CHTF18: variants seen among roughly 807,000 people sequenced by gnomAD.
The protein encoded by CHTF18 is chromosome transmission fidelity protein 18 homolog.
In CHTF18, 151 loss-of-function variants were observed where a neutral mutation model predicts 113.4. The ratio of observed to expected loss-of-function variants is 1.33; its 90% CI spans 1.17 to 1.52. The LOEUF (loss-of-function observed/expected upper bound fraction) is 1.52. CHTF18 is among the 40% of genes most tolerant of loss of function. The pLI is 0.00. For synonymous variants in CHTF18, 916 were observed against 598.8 expected (o/e 1.53, Z -7.74); for missense variants, 1,982 against 1,381.6 (o/e 1.43, Z -6.89).
At chr16:791,490 C>T (rs1021242366) in intron 8 of CHTF18, 120 bp downstream of exon 8, 92 of 1,447,468 alleles carry the variant, frequency 6.4e-5, no homozygotes, top group South Asian at 8.7e-5. Context: ...TGGGTCTTGG[C>T]GTGAAGCGCC....
intron 9 of CHTF18, 121 bp from the exon 10 acceptor site, chr16:792,103 C>T (rs1000149367): frequency 3.7e-5 from 57 of 1,528,122 alleles, no homozygotes; most frequent in South Asian, 1.3e-4. Flanking sequence ...TCGGGGTTCA[C>T]GGGATCGGCA....
Position 789,561 on chromosome 16 carries a change from C to T in CHTF18, c.452C>T (p.Ala151Val), listed in dbSNP as rs777367831. The change falls in exon 4 of 22, where the codon GCT (alanine) becomes GTT (valine). Residue 151 changes from alanine (A) to valine (V), a missense_variant. Physicochemically the swap from Ala to Val is moderately conservative, Grantham distance 64 (BLOSUM62 0). Transcript: ENST00000262315. ...TCTCTCTCCAGAGTCTCAGAAGCTG[C>T]TGCCGACGTGGGTCTCACACGGGCC... ...ELWGHGVSEA[A>V]ADVGLTRASP... is the part of the protein sequence containing the mutation. The T allele has an allele frequency of 5.0e-6, 8 of 1,601,670 alleles. No homozygotes were observed. The highest frequency in any genetic ancestry group is 3.4e-5 in the Admixed American group (2 of 58,946).
chr16:796,041 G>T lies in CHTF18; in HGVS notation c.2420G>T (p.Arg807Leu). Residue 807 changes from arginine (R) to leucine (L), a missense_variant, in exon 18 of 22, where the codon CGC (arginine) becomes CTC (leucine). Transcript: ENST00000262315. ...TACAGCCTGACCTACCGCCAGGAGC[G>T]CACGCCCGATGGCCAGTACATCTAC... ...LAYSLTYRQE[R>L]TPDGQYIYRL... 6.2e-7 allele frequency: 1 copy of T among 1,604,672 alleles called. No individual in the cohort carries two copies. Among genetic ancestry groups the T allele is most frequent in the Non-Finnish European group, 8.5e-7 (1 of 1,176,358 alleles).
chr16:792,423 T>A lies in CHTF18; in HGVS notation c.1327-16T>A. 1 of 1,559,970 alleles carries A rather than the reference T, an allele frequency of 6.4e-7. No homozygotes were observed. The highest frequency in any genetic ancestry group is 8.7e-7 in the Non-Finnish European group (1 of 1,152,556). On this transcript the variant is annotated splice_polypyrimidine_tract_variant and intron_variant, in intron 10 of 21. Coordinates refer to ENST00000262315, the MANE Select transcript of CHTF18 (RefSeq NM_022092.3). The stretch of plus-strand genomic sequence containing the variant: ...AGCAGGGCCTGGACTCACCGTGTCC[T>A]CTGACCTCCCCCAAGGCCGCCATCA...
At position 795,742 on chromosome 16, in the gene CHTF18, G is replaced by T. The variant is rs118113142; in HGVS notation, c.2233G>T (p.Ala745Ser). The change falls in exon 17 of 22, where the codon GCG (alanine) becomes TCG (serine). Residue 745 changes from alanine to serine, a missense_variant. Transcript: ENST00000262315. Reference protein sequence around the residue: ...NLIQTLVSGIAPATRSRATPQ... With the variant: ...NLIQTLVSGISPATRSRATPQ... The stretch of plus-strand genomic sequence containing the variant: ...GATCCAGACGCTGGTGTCCGGCATC[G>T]CGCCAGCCACGCGCAGCCGGGCCAC... 1 of 1,607,628 alleles carries T rather than the reference G, an allele frequency of 6.2e-7. No homozygotes were observed. The highest frequency in any genetic ancestry group is 1.7e-5 in the Admixed American group (1 of 59,538).
chr16:789,163 GC>G lies in CHTF18; in HGVS notation c.286+39del, dbSNP rs2042087096. 6 of 1,549,878 alleles carry G rather than the reference GC, an allele frequency of 3.9e-6. No individual in the cohort carries two copies. In the East Asian group the frequency reaches 1.5e-4, roughly 38 times the overall value. ...CATTGCCCCAGGGCCTCCGGAGTGG[GC>G]GCGAGGCTGAGGAGGCCTCTGGTTC... On this transcript the variant is annotated intron_variant, in intron 2 of 21. Coordinates refer to ENST00000262315, the MANE Select transcript of CHTF18 (RefSeq NM_022092.3).
chr16:793,712 C>G (rs921193136), intron 14 of CHTF18: 51 of 633,864 alleles, frequency 8.0e-5, no homozygotes, highest in African/African-American at 5.9e-4. Flanking sequence ...GGGATGCTGG[C>G]CTGGTCGTGC....
At chr16:789,894 G>T in intron 4 of CHTF18, 179 bp downstream of exon 4, 1 of 1,378,582 alleles carries the variant, frequency 7.3e-7, no homozygotes. Flanking sequence ...CCCACAGCAG[G>T]TTGCTGTCCA....
At chr16:795,485 T>C (rs1449037737) in intron 16 of CHTF18, 129 bp downstream of exon 16, 1 of 281,108 alleles carries the variant, frequency 3.6e-6, no homozygotes, top group Non-Finnish European at 5.7e-6. Flanking sequence ...CCCGGCCCCG[T>C]GCCCGCCCCC....
rs754255900 is a variant in CHTF18, at chr16:789,308, G to T, written c.385G>T (p.Asp129Tyr). 6 of 1,600,590 alleles carry T rather than the reference G, an allele frequency of 3.7e-6. No individual in the cohort carries two copies. The highest frequency in any genetic ancestry group is 4.3e-6 in the Non-Finnish European group (5 of 1,174,834). ...GCCCCCTCCCGACTCCTCGCCGACG[G>T]ACATCACCCCGCCGCCGAGCCCTGA... ...EPPPPDSSPT[D>Y]ITPPPSPEDL... The change falls in exon 3 of 22, where the codon GAC (aspartate) becomes TAC (tyrosine). Residue 129 changes from aspartate (D) to tyrosine (Y), a missense_variant. Physicochemically the swap from Asp to Tyr is radical, Grantham distance 160. Transcript: ENST00000262315.
rs781680664 is a variant in CHTF18, at chr16:794,063, G to A, written c.1812G>A (p.Val604=). The A allele has an allele frequency of 1.9e-6, 3 of 1,610,514 alleles. No homozygotes were observed. Among genetic ancestry groups the A allele is most frequent in the African/African-American group, 1.3e-5 (1 of 74,866 alleles). The change falls in exon 15 of 22, where the codon GTG becomes GTA. Residue 604 remains valine, a synonymous_variant. Transcript: ENST00000262315. ...AGCACCCCACCTGCAGGCGCCGTGT[G>A]GGCCAGGACCCCGCCCTGCCTGCTG... ...FQLPRAQRRR[V]GQDPALPADT...
intron 8 of CHTF18, chr16:791,635 G>A (rs2042198655): frequency 7.0e-7 from 1 of 1,430,902 alleles, no homozygotes; most frequent in Non-Finnish European, 9.1e-7. Context: ...ACTGGTATCA[G>A]CTGTGTTTTG....
intron 20 of CHTF18, among the ~76,000 whole-genome samples, chr16:797,438 A>G (rs1037902356): frequency 6.6e-6 from 1 of 152,134 alleles, no homozygotes; most frequent in Non-Finnish European, 1.5e-5. Flanking sequence ...TACCCTCAGC[A>G]TGACCAGGGT....
chr16:793,032 A>T lies in CHTF18; in HGVS notation c.1639A>T (p.Asn547Tyr), dbSNP rs2042242959. 6.4e-7 allele frequency: 1 copy of T among 1,554,746 alleles called. No homozygotes were observed. The highest frequency in any genetic ancestry group is 1.2e-5 in the South Asian group (1 of 84,828). ...VLAALCEKTD[N>Y]DIRACINTLQ... The stretch of plus-strand genomic sequence containing the variant: ...GGCCGCCCTCTGTGAGAAAACTGAC[A>T]ATGACATCCGGGCCTGCATCAACAC... Residue 547 changes from asparagine to tyrosine, a missense_variant, in exon 13 of 22, where the codon AAT becomes TAT. By Grantham distance (143) the Asn-to-Tyr change is moderately radical (BLOSUM62 -2). Transcript: ENST00000262315.
rs372331315 is a variant in CHTF18 at position 791,864 on chromosome 16, G to C, written c.1118G>C (p.Cys373Ser). The C allele has an allele frequency of 1.5e-5, 24 of 1,606,220 alleles. No homozygotes were observed. The highest frequency in any genetic ancestry group is 2.0e-5 in the Non-Finnish European group (24 of 1,177,302). ...QRPKQKVALL[C>S]GPPGLGKTTL... ...CCTGGGCTGCAGGTGGCACTGCTCT[G>C]TGGGCCCCCGGGGCTGGGGAAGACC... Residue 373 changes from cysteine (C) to serine (S), a missense_variant, in exon 9 of 22, where the codon TGT (cysteine) becomes TCT (serine). By Grantham distance (112) the Cys-to-Ser change is moderately radical. Transcript: ENST00000262315.
intron 7 of CHTF18, 171 bp from the exon 8 acceptor site, chr16:790,990 G>A (rs2151642887): frequency 6.9e-7 from 1 of 1,454,150 alleles, no homozygotes; most frequent in Non-Finnish European, 9.0e-7. Flanking sequence ...AGCCGTGGGG[G>A]TGGAGCCCCT....
In CHTF18 at chr16:789,681, T is replaced by G. The variant is rs1471398120; in HGVS notation, c.572T>G (p.Val191Gly). The G allele has an allele frequency of 6.2e-7, 1 of 1,600,002 alleles. No individual in the cohort carries two copies. The stretch of plus-strand genomic sequence containing the variant: ...ACGGAGGGCGTCCGGGCTTATCTGG[T>G]GCTGCGTGCTGACCCCATGGCCCCG... ...TSTEGVRAYL[V>G]LRADPMAPGV... is the part of the protein sequence containing the mutation. Residue 191 changes from valine (V) to glycine (G), a missense_variant, in exon 4 of 22, where the codon GTG (valine) becomes GGG (glycine). By Grantham distance (109) the Val-to-Gly change is moderately radical. Coordinates refer to ENST00000262315, the MANE Select transcript of CHTF18 (RefSeq NM_022092.3).
In CHTF18 at chr16:788,825, G is replaced by A. The variant is rs144509269; in HGVS notation, c.91+50G>A. 1.4e-3 allele frequency: 2,128 copies of A among 1,556,014 alleles called. 20 individuals are homozygous for A. The African/African-American group carries it at 0.025, about 19-fold the overall frequency. ...GGGAGGAGCTGCGAAAGCCGGGACA[G>A]TGGCGACCTCGGGGAGGGCGTGCCG... On this transcript the variant is annotated intron_variant, in intron 1 of 21. Transcript: ENST00000262315.
At position 791,841 on chromosome 16, in the gene CHTF18, T is replaced by A. The variant is rs754594045; in HGVS notation, c.1105-10T>A. On this transcript the variant is annotated splice_polypyrimidine_tract_variant and intron_variant, in intron 8 of 21. Transcript: ENST00000262315. ...GGTGCACACTACGCCTTCATCTACC[T>A]GGGCTGCAGGTGGCACTGCTCTGTG... 2 of 1,596,968 alleles carry A rather than the reference T, an allele frequency of 1.3e-6. No homozygotes were observed. The highest frequency in any genetic ancestry group is 3.5e-5 in the Admixed American group (2 of 57,650).
Sources: allele counts gnomAD v4.1 joint callset (sites outside exome capture counted in the v4.1 genomes callset), GRCh38; gene constraint gnomAD v4.1.1; transcripts MANE v1.5; gene names NCBI Gene and HGNC (gene_info 2026-07-23, HGNC 2026-07-21).